DLGAP2: variants seen among roughly 807,000 people sequenced by gnomAD.
The protein encoded by DLGAP2 is disks large-associated protein 2.
Under a neutral mutation model 100.3 loss-of-function variants are expected in DLGAP2, and 26 were observed. The ratio of observed to expected loss-of-function variants is 0.26; its 90% CI spans 0.19 to 0.36. DLGAP2 has a LOEUF of 0.36. Ranked by LOEUF, DLGAP2 falls within the 10% of genes least tolerant of loss-of-function variation. DLGAP2 has a pLI of 1.00. For missense variants in DLGAP2, 1,858 were observed against 1,453.2 expected (o/e 1.28, Z -4.53); for synonymous variants, 886 against 630.1 (o/e 1.41, Z -6.08).
At chr8:1,173,205 G>C (rs113229837) in intron 2 of DLGAP2, among the ~76,000 whole-genome samples, 2 of 152,120 alleles carry the variant, frequency 1.3e-5, no homozygotes, top group African/African-American at 4.8e-5. Context: ...GGTTTTTCGT[G>C]AACCGCGAAT....
At chr8:1,413,910 A>G (rs201053166) in intron 3 of DLGAP2, among the ~76,000 whole-genome samples, 1 of 150,332 alleles carries the variant, frequency 6.7e-6, no homozygotes, top group African/African-American at 2.4e-5. Flanking sequence ...CTTGTTTATC[A>G]TTTTTTTTTT....
intron 2 of DLGAP2, among the ~76,000 whole-genome samples, chr8:918,263 G>T (rs892035358): frequency 3.3e-5 from 5 of 152,180 alleles, no homozygotes; most frequent in Admixed American, 3.3e-4. Context: ...TTAGATTTAA[G>T]CCTCCTGTTT....
intron 3 of DLGAP2, among the ~76,000 whole-genome samples, chr8:1,287,468 C>G (rs796147929): frequency 4.5e-5 from 2 of 44,000 alleles, no homozygotes; most frequent in Admixed American, 2.9e-4. Context: ...AGTTTCGGTT[C>G]AGCGTGTGTG....
chr8:1,264,053 T>TCC (rs1315030107), intron 3 of DLGAP2, among the ~76,000 whole-genome samples: 1 of 152,168 alleles, frequency 6.6e-6, no homozygotes, highest in Non-Finnish European at 1.5e-5. Flanking sequence ...GCTCCTCTCT[T>TCC]AGTCTAGATG....
intron 6 of DLGAP2, among the ~76,000 whole-genome samples, chr8:1,589,371 T>C (rs1232640575): frequency 6.6e-6 from 1 of 152,208 alleles, no homozygotes; most frequent in Non-Finnish European, 1.5e-5. Context: ...AGTGGAACAA[T>C]AATTCTGTGT....
At chr8:889,958 T>C (rs1798000777) in intron 1 of DLGAP2, among the ~76,000 whole-genome samples, 1 of 152,130 alleles carries the variant, frequency 6.6e-6, no homozygotes, top group African/African-American at 2.4e-5. Context: ...TTTCCCCCGC[T>C]GGGTAGTGTG....
chr8:1,557,622 C>T lies in DLGAP2; in HGVS notation c.1230+7939C>T, dbSNP rs74567941. 5.1e-3 allele frequency among the ~76,000 whole-genome samples: 770 copies of T among 152,244 alleles called. 8 individuals are homozygous for T. The highest frequency in any genetic ancestry group is 0.017 in the African/African-American group (725 of 41,546). ...CGGGTGCCATGACGGGCATACACACCCGGGGGGCGTGTAAAGGCACATTCA... is the reference window on the plus strand; with the variant it reads ...CGGGTGCCATGACGGGCATACACACTCGGGGGGCGTGTAAAGGCACATTCA... On this transcript the variant is annotated intron_variant, in intron 5 of 14. Coordinates refer to ENST00000637795, the MANE Select transcript of DLGAP2 (RefSeq NM_001346810.2).
chr8:1,156,884 G>C (rs1306224828), intron 2 of DLGAP2, among the ~76,000 whole-genome samples: 1 of 152,194 alleles, frequency 6.6e-6, no homozygotes, highest in Non-Finnish European at 1.5e-5. Flanking sequence ...AAGATGAGGA[G>C]GCTGACTCAG....
chr8:921,616 G>A (rs1798717219), intron 2 of DLGAP2, among the ~76,000 whole-genome samples: 1 of 152,232 alleles, frequency 6.6e-6, no homozygotes, highest in Non-Finnish European at 1.5e-5. Flanking sequence ...TCTGCCTGGA[G>A]GACCCTGGAA....
Position 1,668,380 on chromosome 8 carries a change from C to T in DLGAP2, c.1862C>T (p.Thr621Ile). The T allele has an allele frequency of 6.3e-7, 1 of 1,589,698 alleles. No individual in the cohort carries two copies. Among genetic ancestry groups the T allele is most frequent in the South Asian group, 1.1e-5 (1 of 87,456 alleles). The change falls in exon 9 of 15, where the codon ACC becomes ATC. Residue 621 changes from threonine to isoleucine, a missense_variant. By Grantham distance (89) the Thr-to-Ile change is moderately conservative. Transcript: ENST00000637795. ...KKTPPPVPPR[T>I]TSKPLISVTA... Reference sequence around the variant, plus strand: ...ACGCCCCCACCGGTGCCCCCTCGGACCACCTCCAAGCCTCTGATCTCGGTG... The same window carrying T: ...ACGCCCCCACCGGTGCCCCCTCGGATCACCTCCAAGCCTCTGATCTCGGTG...
At chr8:1,040,933 T>A (rs1236625285) in intron 2 of DLGAP2, among the ~76,000 whole-genome samples, 1 of 152,120 alleles carries the variant, frequency 6.6e-6, no homozygotes, top group Non-Finnish European at 1.5e-5. Context: ...TAAACCAGGA[T>A]TGGTGACTTA....
chr8:1,179,899 A>C (rs1273899172), intron 2 of DLGAP2, among the ~76,000 whole-genome samples: 1 of 152,240 alleles, frequency 6.6e-6, no homozygotes, highest in African/African-American at 2.4e-5. Context: ...AATTATGTGA[A>C]AACAAAATAA....
At chr8:1,658,071 G>A (rs1335609631) in intron 8 of DLGAP2, among the ~76,000 whole-genome samples, 1 of 152,118 alleles carries the variant, frequency 6.6e-6, no homozygotes, top group African/African-American at 2.4e-5. Context: ...ATAGGGCCCA[G>A]GGGATTGGTT....
chr8:971,148 A>T (rs1053639703), intron 2 of DLGAP2, among the ~76,000 whole-genome samples: 1 of 152,210 alleles, frequency 6.6e-6, no homozygotes, highest in East Asian at 1.9e-4. Context: ...CGAGGACACC[A>T]TCCGGAAACT....
rs1186078899 is a variant in DLGAP2 at position 1,142,867 on chromosome 8, G to A, written c.74-115984G>A. ...TGCTGGGATCATGGCGTGGGGAGCAGCAGGTGGGCAGGGCACACCCAGGTT... is the reference window on the plus strand; with the variant it reads ...TGCTGGGATCATGGCGTGGGGAGCAACAGGTGGGCAGGGCACACCCAGGTT... On this transcript the variant is annotated intron_variant, in intron 2 of 14. Transcript: ENST00000637795. Among the ~76,000 whole-genome samples, 3 of 152,174 alleles carry A rather than the reference G, an allele frequency of 2.0e-5. No homozygotes were observed. In the East Asian group the frequency reaches 5.8e-4, roughly 29 times the overall value.
At chr8:1,537,835 G>A (rs1338692615) in intron 4 of DLGAP2, among the ~76,000 whole-genome samples, 2 of 152,176 alleles carry the variant, frequency 1.3e-5, no homozygotes, top group Non-Finnish European at 2.9e-5. Flanking sequence ...GAAAAGTGCA[G>A]ATAAAATTCT....
intron 2 of DLGAP2, among the ~76,000 whole-genome samples, chr8:973,078 C>A (rs1193945253): frequency 1.3e-5 from 2 of 152,260 alleles, no homozygotes; most frequent in African/African-American, 4.8e-5. Context: ...TCCCCCTTTT[C>A]TATTCGACAA....
At chr8:1,307,232 T>C (rs1195484545) in intron 3 of DLGAP2, among the ~76,000 whole-genome samples, 2 of 152,078 alleles carry the variant, frequency 1.3e-5, no homozygotes, top group Non-Finnish European at 2.9e-5. Flanking sequence ...CTTGGATATT[T>C]CTCCAAGAAG....
chr8:1,241,601 G>T (rs1563274776), intron 2 of DLGAP2, among the ~76,000 whole-genome samples: 1 of 152,200 alleles, frequency 6.6e-6, no homozygotes, highest in Non-Finnish European at 1.5e-5. Context: ...AGCTTCTAGA[G>T]ACTTTTCACT....
Sources: allele counts gnomAD v4.1 joint callset (sites outside exome capture counted in the v4.1 genomes callset), GRCh38; gene constraint gnomAD v4.1.1; transcripts MANE v1.5; gene names NCBI Gene and HGNC (gene_info 2026-07-23, HGNC 2026-07-21).